The following SLC9A3 variants were observed in gnomAD, a reference collection of about 807,000 sequenced individuals.
SLC9A3 encodes sodium/hydrogen exchanger 3.
SLC9A3 carries 37 observed loss-of-function variants against 86.8 expected under a neutral mutation model. The ratio of observed to expected loss-of-function variants is 0.43; its 90% CI spans 0.33 to 0.56. The LOEUF (loss-of-function observed/expected upper bound fraction) is 0.56, where lower values mean the gene tolerates loss of function less well. Among genes scored for constraint, SLC9A3 ranks in the 20% least tolerant of loss-of-function variants. The pLI is 0.06. For missense variants in SLC9A3, 1,011 were observed against 1,171.9 expected (o/e 0.86, Z 2.00); for synonymous variants, 581 against 528.3 (o/e 1.10, Z -1.37).
At chr5:510,848 T>C (rs1740844040) in intron 1 of SLC9A3, among the ~76,000 whole-genome samples, 1 of 152,184 alleles carries the variant, frequency 6.6e-6, no homozygotes, top group Non-Finnish European at 1.5e-5. Flanking sequence ...CACACGCAGC[T>C]TTCTCTAGGC....
At chr5:517,479 C>T (rs1280933151) in intron 1 of SLC9A3, among the ~76,000 whole-genome samples, 2 of 151,684 alleles carry the variant, frequency 1.3e-5, no homozygotes. Flanking sequence ...TCCATCCACT[C>T]ATCCATCCAT....
At chr5:522,739 C>CA (rs397960621) in intron 1 of SLC9A3, among the ~76,000 whole-genome samples, 9,957 of 97,958 alleles carry the variant, frequency 0.1, 1,013 homozygotes, top group African/African-American at 0.27. Context: ...AATTCTATCT[C>CA]AAAAAAAAAA....
At chr5:476,156 G>A (rs373660783) in intron 13 of SLC9A3, 46 bp downstream of exon 13, 371 of 1,611,462 alleles carry the variant, frequency 2.3e-4, no homozygotes, top group Non-Finnish European at 3.0e-4. Context: ...GACTGCCCCC[G>A]CTCCAGGCCC....
In SLC9A3 at chr5:491,989, G is replaced by C; in HGVS notation, c.294C>G (p.Ile98Met). 6.2e-7 allele frequency: 1 copy of C among 1,602,268 alleles called. No homozygotes were observed. The highest frequency in any genetic ancestry group is 8.5e-7 in the Non-Finnish European group (1 of 1,175,128). ...ACGCGATGTGGTCGGCCGCCCAGAC[G>C]ATGCCGCCCAGCACCAGGCCCAGCA... is the stretch of plus-strand genomic sequence containing the variant. ...LIVLGLVLGGIVWAADHIASF... is the reference protein window; with the variant it reads ...LIVLGLVLGGMVWAADHIASF... The change falls in exon 2 of 17, where the codon ATC (isoleucine) becomes ATG (methionine). Residue 98 changes from isoleucine to methionine, a missense_variant. Around this residue, in one of 3 missense-constraint regions of SLC9A3, gnomAD observed 565 missense variants for 790.0 expected, o/e 0.72. Transcript: ENST00000264938. This position sits in a 1 kb window ranked among gnomAD's most constrained non-coding sequence, Gnocchi z 9.2.
chr5:515,180 C>A (rs1733690604), intron 1 of SLC9A3, among the ~76,000 whole-genome samples: 1 of 152,214 alleles, frequency 6.6e-6, no homozygotes, highest in South Asian at 2.1e-4. Flanking sequence ...AGAGTCCATG[C>A]CATCAGCCTG....
At chr5:475,281 C>G (rs1738647472) in intron 15 of SLC9A3, 149 bp from the exon 16 acceptor site, 1 of 776,478 alleles carries the variant, frequency 1.3e-6, no homozygotes, top group Non-Finnish European at 2.0e-6. Flanking sequence ...GCGGGCCCTT[C>G]CCCCACATCC....
At chr5:503,772 GTT>G (rs762926423) in intron 1 of SLC9A3, among the ~76,000 whole-genome samples, 4 of 152,256 alleles carry the variant, frequency 2.6e-5, no homozygotes, top group Non-Finnish European at 5.9e-5. Context: ...ATGTGTGTGA[GTT>G]ACCAATAAAG....
At chr5:494,688 CCGG>C (rs1739938502) in intron 1 of SLC9A3, among the ~76,000 whole-genome samples, 3 of 152,212 alleles carry the variant, frequency 2.0e-5, no homozygotes, top group Admixed American at 2.0e-4. Flanking sequence ...TGGTCTGTGC[CCGG>C]TGCCGGCGCC....
chr5:480,279 C>A, intron 9 of SLC9A3: 1 of 296,582 alleles, frequency 3.4e-6, no homozygotes, highest in South Asian at 4.5e-5. Context: ...TTCAGGTGCA[C>A]AGGAGGAAGG....
intron 1 of SLC9A3, among the ~76,000 whole-genome samples, chr5:510,298 G>T (rs948738132): frequency 1.3e-5 from 2 of 152,212 alleles, no homozygotes; most frequent in Non-Finnish European, 2.9e-5. Flanking sequence ...TAAGGTGTTC[G>T]TGTGGGACGG....
intron 1 of SLC9A3, among the ~76,000 whole-genome samples, chr5:519,848 C>A (rs571686382): frequency 6.6e-6 from 1 of 152,290 alleles, no homozygotes; most frequent in East Asian, 1.9e-4. Context: ...GGGGCTGCGC[C>A]GCTCAGAGCA....
rs763187542 is a variant in SLC9A3 at position 483,255 on chromosome 5, G to A, written c.1153+7C>T. 2.5e-5 allele frequency: 38 copies of A among 1,536,342 alleles called. No homozygotes were observed. In the Admixed American group the frequency reaches 3.1e-4, roughly 13 times the overall value. On this transcript the variant is annotated splice_region_variant and intron_variant, in intron 6 of 16. Coordinates refer to ENST00000264938, the MANE Select transcript of SLC9A3 (RefSeq NM_004174.4). ...GGTCCCACGGCCGCAACCCGGCCCC[G>A]CCTCACCGATGGCCCGGTACACGGA...
chr5:484,896 GC>G (rs763856128), intron 4 of SLC9A3, among the ~76,000 whole-genome samples, 199 bp from the exon 5 acceptor site: 116 of 152,320 alleles, frequency 7.6e-4, no homozygotes, highest in Admixed American at 2.1e-3. Flanking sequence ...TGGGAGCCTG[GC>G]CCCAGGCCCT....
In SLC9A3 at chr5:471,788, A is replaced by T. The variant is rs760877255; in HGVS notation, c.*1591T>A. On this transcript the variant is annotated 3_prime_UTR_variant, in exon 17 of 17. Transcript: ENST00000264938. Reference sequence around the variant, plus strand: ...TTAGGGTCGAGAGCTTCTCCGAAGCAGCGGTCATGCAGGCTTTTGTGTGGC... The same window carrying T: ...TTAGGGTCGAGAGCTTCTCCGAAGCTGCGGTCATGCAGGCTTTTGTGTGGC... The T allele has an allele frequency of 1.3e-5, 6 of 456,452 alleles. No individual in the cohort carries two copies. Among genetic ancestry groups the T allele is most frequent in the Admixed American group, 9.4e-5 (4 of 42,566 alleles). The allele number at this position is 456,452 out of a possible 1,614,324, so 28.3% of individuals were successfully genotyped here.
At chr5:519,605 G>T (rs1733825477) in intron 1 of SLC9A3, among the ~76,000 whole-genome samples, 1 of 152,180 alleles carries the variant, frequency 6.6e-6, no homozygotes, top group Admixed American at 6.5e-5. Flanking sequence ...AAGACAGCGG[G>T]GGTCCGGGAG....
intron 1 of SLC9A3, among the ~76,000 whole-genome samples, chr5:498,741 G>T (rs940665254): frequency 6.6e-6 from 1 of 152,214 alleles, no homozygotes; most frequent in Non-Finnish European, 1.5e-5. Flanking sequence ...GCCGTGGAAG[G>T]TTCTGTGGAC....
intron 10 of SLC9A3, chr5:477,701 A>G: frequency 4.4e-6 from 2 of 451,244 alleles, no homozygotes; most frequent in Non-Finnish European, 7.9e-6. Context: ...TTGTGGGAGG[A>G]CACAGTGGTC....
intron 16 of SLC9A3, among the ~76,000 whole-genome samples, chr5:474,584 G>A (rs1262342558): frequency 1.6e-5 from 1 of 63,828 alleles, no homozygotes; most frequent in Admixed American, 1.3e-4. Flanking sequence ...TGCGGAGAGG[G>A]GTTAGGCGGG....
chr5:488,607 G>C, intron 2 of SLC9A3, 131 bp from the exon 3 acceptor site: 1 of 911,690 alleles, frequency 1.1e-6, no homozygotes, highest in Non-Finnish European at 1.6e-6. Context: ...GGGGAGCTGG[G>C]TCAGCTTCCT....
Sources: gnomAD v4.1 joint callset for allele counts (sites outside exome capture counted in the v4.1 genomes callset) on GRCh38, gnomAD v4.1.1 for gene constraint, gnomAD v4.1.1 regional missense constraint, Gnocchi (gnomAD v3.1) non-coding constraint, MANE v1.5 for transcripts, NCBI Gene and HGNC (gene_info 2026-07-23, HGNC 2026-07-21) for gene names.